The following LIG1 variants were observed in gnomAD, a reference collection of about 807,000 sequenced individuals.
LIG1 encodes the protein DNA ligase 1.
In LIG1, 70 loss-of-function variants were observed where a neutral mutation model predicts 115.7. The observed-to-expected ratio is 0.60, with a 90% confidence interval of 0.50 to 0.74. The LOEUF (loss-of-function observed/expected upper bound fraction) is 0.74. LIG1 is among the 30% of genes least tolerant of loss of function. The pLI is 0.00. For missense variants in LIG1, 1,115 were observed against 1,225.6 expected (o/e 0.91, Z 1.35); for synonymous variants, 487 against 495.3 (o/e 0.98, Z 0.22).
intron 21 of LIG1, among the ~76,000 whole-genome samples, chr19:48,124,376 G>A (rs547166219): frequency 3.3e-5 from 5 of 152,270 alleles, no homozygotes; most frequent in East Asian, 1.9e-4. Flanking sequence ...TCAGGCAAGC[G>A]TTTCCCTCTG....
chr19:48,140,958 A>G (rs2034704020), intron 11 of LIG1, among the ~76,000 whole-genome samples: 1 of 152,346 alleles, frequency 6.6e-6, no homozygotes, highest in African/African-American at 2.4e-5. Context: ...TCTCCACTGC[A>G]GTTCCCCCGT....
chr19:48,151,771 G>A (rs1345779113), intron 6 of LIG1, among the ~76,000 whole-genome samples: 1 of 151,600 alleles, frequency 6.6e-6, no homozygotes, highest in Non-Finnish European at 1.5e-5. Context: ...CCTGCTCCTT[G>A]TCAACCCCAA....
intron 24 of LIG1, among the ~76,000 whole-genome samples, chr19:48,119,407 CCT>C (rs1004850394): frequency 1.7e-4 from 26 of 152,280 alleles, no homozygotes; most frequent in African/African-American, 5.8e-4. Flanking sequence ...TGAACCACTC[CCT>C]GTCTTCTGCT....
chr19:48,120,298 C>T, intron 24 of LIG1: 1 of 985,358 alleles, frequency 1.0e-6, no homozygotes, highest in Non-Finnish European at 1.2e-6. Context: ...TGCCATATTG[C>T]TTAAGGGCAT....
Position 48,165,563 on chromosome 19 carries a change from G to T in LIG1, c.4C>A (p.Gln2Lys), listed in dbSNP as rs1718592193. The T allele has an allele frequency of 2.5e-6, 4 of 1,613,012 alleles. No homozygotes were observed. The highest frequency in any genetic ancestry group is 3.4e-6 in the Non-Finnish European group (4 of 1,179,122). ...GAGGGTGCTCACATGATACTTCGCTGCATGTTGGCGTCAGAATTCTCCCTT... is the reference window on the plus strand; with the variant it reads ...GAGGGTGCTCACATGATACTTCGCTTCATGTTGGCGTCAGAATTCTCCCTT... M[Q>K]RSIMSFFHPK... The change falls in exon 2 of 28, where the codon CAG becomes AAG. Residue 2 changes from glutamine to lysine, a missense_variant. Transcript: ENST00000263274.
Position 48,133,295 on chromosome 19 carries a change from G to A in LIG1, c.1610-198C>T. ...CCGGCCTTCCTTCCAGGTGGGAAAG[G>A]CCATGTGATTGGAACCCACGCAGCA... On this transcript the variant is annotated intron_variant, in intron 17 of 27. Transcript: ENST00000263274. The A allele has an allele frequency of 1.5e-5, 9 of 597,980 alleles. 1 individual carries two copies. The South Asian group carries it at 1.7e-4, about 12-fold the overall frequency. 37.0% of individuals were successfully genotyped at this position (597,980 alleles called of 1,614,324 possible).
At chr19:48,159,474 A>G (rs2036047574) in intron 4 of LIG1, among the ~76,000 whole-genome samples, 1 of 152,186 alleles carries the variant, frequency 6.6e-6, no homozygotes, top group South Asian at 2.1e-4. Flanking sequence ...TCTAAGCTCC[A>G]AAAGAGATCT....
At chr19:48,136,985 G>A in intron 14 of LIG1, 23 bp downstream of exon 14, 1 of 1,595,656 alleles carries the variant, frequency 6.3e-7, no homozygotes, top group Non-Finnish European at 8.6e-7. Flanking sequence ...CCCCTCTGTA[G>A]CCTCACAGGC....
intron 9 of LIG1, among the ~76,000 whole-genome samples, chr19:48,148,461 T>G (rs1599831998): frequency 5.5e-5 from 7 of 128,022 alleles, no homozygotes; most frequent in African/African-American, 6.6e-5. Context: ...GGCAACAGAG[T>G]GAGATTCCAT....
At chr19:48,147,766 G>A (rs73941621) in intron 9 of LIG1, among the ~76,000 whole-genome samples, 3,695 of 152,106 alleles carry the variant, frequency 0.024, 82 homozygotes, top group African/African-American at 0.054. Context: ...TAGCTAACAC[G>A]TAATCAGTCC....
chr19:48,159,968 C>CG (rs2036079874), intron 4 of LIG1, among the ~76,000 whole-genome samples: 1 of 151,950 alleles, frequency 6.6e-6, no homozygotes, highest in Admixed American at 6.6e-5. Flanking sequence ...CTGCCTGCCT[C>CG]GGCCTCCCAA....
Position 48,122,903 on chromosome 19 carries a change from G to A in LIG1, c.2232+31C>T. The A allele has an allele frequency of 6.2e-7, 1 of 1,603,988 alleles. No homozygotes were observed. Among genetic ancestry groups the A allele is most frequent in the African/African-American group, 1.3e-5 (1 of 74,734 alleles). On this transcript the variant is annotated intron_variant, in intron 23 of 27. Transcript: ENST00000263274. The surrounding 1 kb of genome is among the most constrained non-coding windows in gnomAD (Gnocchi z 4.3). ...TGGGACAGACCTCCAGACCCGGGGT[G>A]GAGAAGGCCCAGTTGGGGGTCGAGA...
chr19:48,128,805 C>T (rs2033837801), intron 19 of LIG1, among the ~76,000 whole-genome samples: 1 of 152,238 alleles, frequency 6.6e-6, no homozygotes, highest in South Asian at 2.1e-4. Context: ...CTCTGTCGCC[C>T]AGGCTGCAGT....
chr19:48,120,809 T>C lies in LIG1; in HGVS notation c.2385+361A>G, dbSNP rs74255007. The stretch of plus-strand genomic sequence containing the variant: ...AGGCACATGGCAGAAAAAAAAAATG[T>C]GGGGACAAAAAAAAATGTGGGGAGA... On this transcript the variant is annotated intron_variant, in intron 24 of 27. Transcript: ENST00000263274. The C allele has an allele frequency of 5.1e-5, 28 of 550,350 alleles. No individual in the cohort carries two copies. In the East Asian group the frequency reaches 2.3e-3, roughly 45 times the overall value. The allele number at this position is 550,350 out of a possible 1,614,324, so 34.1% of individuals were successfully genotyped here. A position where few individuals can be genotyped will look rare whatever the true frequency, so the allele number is the denominator to read the frequency against.
intron 7 of LIG1, among the ~76,000 whole-genome samples, chr19:48,151,014 T>A (rs1031965597): frequency 1.3e-5 from 2 of 152,014 alleles, no homozygotes; most frequent in African/African-American, 2.4e-5. Flanking sequence ...GAAGATTTTT[T>A]AAAGAATGGC....
In LIG1 at chr19:48,121,252, C is replaced by T. The variant is rs372444236; in HGVS notation, c.2303G>A (p.Arg768Gln). 156 of 1,613,720 alleles carry T rather than the reference C, an allele frequency of 9.7e-5. 1 individual carries two copies. The highest frequency in any genetic ancestry group is 1.6e-4 in the Middle Eastern group (1 of 6,084). The change falls in exon 24 of 28, where the codon CGG (arginine) becomes CAG (glutamine). Residue 768 changes from arginine (R) to glutamine (Q), a missense_variant. Transcript: ENST00000263274. ...DLVVIGAYLGRGKRAGRYGGF... is the reference protein window; with the variant it reads ...DLVVIGAYLGQGKRAGRYGGF... ...CCCGTACCGGCCGGCCCGCTTCCCC[C>T]GGCCCAGGTAGGCGCCGATCACCAC...
In LIG1 at chr19:48,150,300, C is replaced by T. The variant is rs911469788; in HGVS notation, c.575-90G>A. The stretch of plus-strand genomic sequence containing the variant: ...TTTTACCCCCAAGATCATTCTGACC[C>T]TGCAGATGGAAGATATAACTACACC... On this transcript the variant is annotated intron_variant, in intron 7 of 27. Coordinates refer to ENST00000263274, the MANE Select transcript of LIG1 (RefSeq NM_000234.3). 7.6e-6 allele frequency: 12 copies of T among 1,578,898 alleles called. No individual in the cohort carries two copies. The African/African-American group carries it at 1.5e-4, about 20-fold the overall frequency.
chr19:48,133,581 T>TGACCCACTGCCTTCTGGCCC (rs1454722663), intron 17 of LIG1: 1 of 328,808 alleles, frequency 3.0e-6, no homozygotes, highest in African/African-American at 2.1e-5. Flanking sequence ...CTATCTGGCC[T>TGACCCACTGCCTTCTGGCCC]GACCCACTGC....
chr19:48,143,458 G>T, intron 11 of LIG1, 85 bp downstream of exon 11: 1 of 1,225,354 alleles, frequency 8.2e-7, no homozygotes, highest in Non-Finnish European at 1.2e-6. Flanking sequence ...ACAGGGTTTG[G>T]CGGAACAAGG....
Sources: allele counts gnomAD v4.1 joint callset (sites outside exome capture counted in the v4.1 genomes callset), GRCh38; gene constraint gnomAD v4.1.1; non-coding constraint Gnocchi (gnomAD v3.1); transcripts MANE v1.5; gene names NCBI Gene and HGNC (gene_info 2026-07-23, HGNC 2026-07-21).